The following CYYR1 variants were observed in gnomAD, a reference collection of about 807,000 sequenced individuals.
The protein encoded by CYYR1 is cysteine and tyrosine-rich protein 1.
A neutral mutation model predicts 15.2 loss-of-function variants in CYYR1; 14 were observed. That is an observed-to-expected ratio of 0.92 (90% CI 0.61 to 1.44). The LOEUF (loss-of-function observed/expected upper bound fraction) is 1.44. Ranked by LOEUF, CYYR1 falls within the 40% of genes most tolerant of loss-of-function variation. The pLI, the probability that CYYR1 is intolerant of heterozygous loss-of-function variation, is 0.00. For synonymous variants in CYYR1, 80 were observed against 77.4 expected (o/e 1.03, Z -0.18); for missense variants, 228 against 209.5 (o/e 1.09, Z -0.54).
intron 2 of CYYR1, among the ~76,000 whole-genome samples, chr21:26,508,714 A>G (rs776850359): frequency 2.6e-5 from 4 of 152,188 alleles, no homozygotes; most frequent in African/African-American, 9.7e-5. Flanking sequence ...TTCATATGCT[A>G]TGGAATTATA....
chr21:26,493,212 A>G (rs543032696), intron 2 of CYYR1, among the ~76,000 whole-genome samples: 7 of 152,274 alleles, frequency 4.6e-5, no homozygotes, highest in African/African-American at 1.7e-4. Flanking sequence ...TCTTCTGGAT[A>G]AGGAACGTCT....
chr21:26,508,572 G>C (rs1423227036), intron 2 of CYYR1, among the ~76,000 whole-genome samples: 1 of 152,188 alleles, frequency 6.6e-6, no homozygotes, highest in Non-Finnish European at 1.5e-5. Context: ...GGAATAGGTA[G>C]TTAGGAATGA....
chr21:26,556,597 AGACGGTGAAGGG>A (rs1288287159), intron 2 of CYYR1, among the ~76,000 whole-genome samples: 1 of 152,124 alleles, frequency 6.6e-6, no homozygotes, highest in African/African-American at 2.4e-5. Flanking sequence ...CAATCATGGC[AGACGGTGAAGGG>A]GAATCAGGCA....
intron 2 of CYYR1, among the ~76,000 whole-genome samples, chr21:26,502,941 C>T (rs2065502102): frequency 6.6e-6 from 1 of 152,080 alleles, no homozygotes. Flanking sequence ...TGTTTACATT[C>T]TGCCCTATAG....
chr21:26,493,142 A>G (rs1181742581), intron 2 of CYYR1, among the ~76,000 whole-genome samples: 1 of 152,184 alleles, frequency 6.6e-6, no homozygotes, highest in African/African-American at 2.4e-5. Context: ...AAAAGTTGAC[A>G]GTTGCTGGAA....
At chr21:26,553,842 A>G (rs1040065897) in intron 2 of CYYR1, among the ~76,000 whole-genome samples, 1 of 152,156 alleles carries the variant, frequency 6.6e-6, no homozygotes, top group African/African-American at 2.4e-5. Context: ...AATATATAAC[A>G]TGTATATTAT....
At chr21:26,494,823 C>T (rs2065372990) in intron 2 of CYYR1, among the ~76,000 whole-genome samples, 1 of 150,000 alleles carries the variant, frequency 6.7e-6, no homozygotes, top group Non-Finnish European at 1.5e-5. Context: ...AATGTTTAAA[C>T]TGTATTCTTT....
At chr21:26,506,831 GA>G (rs1327964373) in intron 2 of CYYR1, 1 of 152,066 alleles carries the variant, frequency 6.6e-6, no homozygotes, top group Non-Finnish European at 1.5e-5. Context: ...TTGGTCACTT[GA>G]CCACTGGTAA....
chr21:26,509,377 G>C (rs552982854), intron 2 of CYYR1, among the ~76,000 whole-genome samples: 1 of 152,264 alleles, frequency 6.6e-6, no homozygotes, highest in South Asian at 2.1e-4. Context: ...TGGCACCTAA[G>C]CCTTAATAAC....
chr21:26,555,330 C>T (rs1236843717), intron 2 of CYYR1, among the ~76,000 whole-genome samples: 1 of 152,044 alleles, frequency 6.6e-6, no homozygotes, highest in Non-Finnish European at 1.5e-5. Context: ...GAGGCTGATC[C>T]TACATTATAC....
chr21:26,468,779 G>A (rs748841261), intron 3 of CYYR1, 145 bp from the exon 4 acceptor site: 2 of 596,940 alleles, frequency 3.4e-6, no homozygotes, highest in Non-Finnish European at 5.9e-6. Flanking sequence ...GACCACATAT[G>A]TATGAAAGGG....
chr21:26,545,631 G>A (rs900336150), intron 2 of CYYR1, among the ~76,000 whole-genome samples: 6 of 136,736 alleles, frequency 4.4e-5, no homozygotes, highest in African/African-American at 8.6e-5. Flanking sequence ...TCAGTGGTGC[G>A]ATCTCGGCTC....
chr21:26,487,099 T>C (rs1209288039), intron 2 of CYYR1, among the ~76,000 whole-genome samples: 2 of 151,974 alleles, frequency 1.3e-5, no homozygotes, highest in East Asian at 1.9e-4. Flanking sequence ...TTTACACCTA[T>C]ACAAAAAGTG....
rs765021591 is a variant in CYYR1, at chr21:26,505,058, A to T, written c.177-24629T>A. 2.3e-4 allele frequency among the ~76,000 whole-genome samples: 35 copies of T among 152,236 alleles called. 1 individual carries two copies. Among genetic ancestry groups the T allele is most frequent in the Non-Finnish European group, 4.4e-4 (30 of 68,050 alleles). On this transcript the variant is annotated intron_variant, in intron 2 of 3. Transcript: ENST00000652641. ...AGGCTATATTTTGCATTTTTGAAAGATGGTTAAAATATTTTAAAAATGTTT... is the reference window on the plus strand; with the variant it reads ...AGGCTATATTTTGCATTTTTGAAAGTTGGTTAAAATATTTTAAAAATGTTT...
chr21:26,549,037 T>A (rs1482706513), intron 2 of CYYR1, among the ~76,000 whole-genome samples: 1 of 151,442 alleles, frequency 6.6e-6, no homozygotes, highest in African/African-American at 2.4e-5. Flanking sequence ...AAACAAATGA[T>A]GCAGTAAAAG....
chr21:26,468,537 A>G lies in CYYR1; in HGVS notation c.432T>C (p.Ser144=). 1 of 1,609,944 alleles carries G rather than the reference A, an allele frequency of 6.2e-7. No individual in the cohort carries two copies. Among genetic ancestry groups the G allele is most frequent in the Non-Finnish European group, 8.5e-7 (1 of 1,176,342 alleles). Residue 144 remains serine (S), a synonymous_variant, in exon 4 of 4, where the codon TCT becomes TCC. Transcript: ENST00000652641. ...CGTTTCCAGGATAAGGAGGGGGTGGAGAACGCTGTGCTGGACCCTGTGGGG... is the reference window on the plus strand; with the variant it reads ...CGTTTCCAGGATAAGGAGGGGGTGGGGAACGCTGTGCTGGACCCTGTGGGG... ...SPTPQGPAQR[S]PPPPYPGNAR... is the part of the protein sequence containing the mutation.
intron 2 of CYYR1, 85 bp downstream of exon 2, chr21:26,566,181 T>C: frequency 2.1e-6 from 2 of 969,344 alleles, no homozygotes; most frequent in African/African-American, 1.6e-5. Context: ...TGCCCACAAC[T>C]ATCACTTAGT....
intron 2 of CYYR1, chr21:26,551,710 G>T (rs1193266742): frequency 5.5e-6 from 1 of 183,458 alleles, no homozygotes; most frequent in Non-Finnish European, 1.2e-5. Context: ...AATTCTTACG[G>T]ATTAGCAAAA....
At chr21:26,490,612 T>A (rs2065314980) in intron 2 of CYYR1, among the ~76,000 whole-genome samples, 1 of 152,186 alleles carries the variant, frequency 6.6e-6, no homozygotes, top group Admixed American at 6.5e-5. Flanking sequence ...TGTAACAGAT[T>A]TTTGAATCAG....
Sources: gnomAD v4.1 joint callset for allele counts (sites outside exome capture counted in the v4.1 genomes callset) on GRCh38, gnomAD v4.1.1 for gene constraint, MANE v1.5 for transcripts, NCBI Gene and HGNC (gene_info 2026-07-23, HGNC 2026-07-21) for gene names.